RLF: variants seen among roughly 807,000 people sequenced by gnomAD.
The protein encoded by RLF is RLF zinc finger.
RLF carries 7 observed loss-of-function variants against 162.9 expected under a neutral mutation model. The observed-to-expected ratio is 0.04, with a 90% confidence interval of 0.02 to 0.08. RLF has a LOEUF of 0.08. Among genes scored for constraint, RLF ranks in the 10% least tolerant of loss-of-function variants. The pLI, the probability that RLF is intolerant of heterozygous loss-of-function variation, is 1.00. For synonymous variants in RLF, 782 were observed against 791.5 expected, an observed-to-expected ratio of 0.99 and a Z score of 0.20; for missense variants, 1,664 against 2,244.7, an observed-to-expected ratio of 0.74 and a Z score of 5.23.
chr1:40,168,619 A>G (rs954242238), intron 1 of RLF, among the ~76,000 whole-genome samples: 7 of 152,170 alleles, frequency 4.6e-5, no homozygotes, highest in East Asian at 1.9e-4. Flanking sequence ...TGTTCTTTGT[A>G]TCTTGATCAC....
At chr1:40,197,631 C>G (rs2124539755) in intron 4 of RLF, among the ~76,000 whole-genome samples, 1 of 152,272 alleles carries the variant, frequency 6.6e-6, no homozygotes, top group East Asian at 1.9e-4. Flanking sequence ...AGAAGCATTG[C>G]TTACCTAACA....
chr1:40,222,852 T>C, intron 6 of RLF, 142 bp downstream of exon 6: 1 of 653,306 alleles, frequency 1.5e-6, no homozygotes, highest in East Asian at 2.8e-5. Flanking sequence ...AATCATTTAA[T>C]TAAAAATATC....
At chr1:40,224,913 G>A (rs113078688) in intron 6 of RLF, among the ~76,000 whole-genome samples, 4,674 of 151,756 alleles carry the variant, frequency 0.031, 105 homozygotes, top group Non-Finnish European at 0.048. Flanking sequence ...CTTGAACCTG[G>A]GAGGCGGAGG....
chr1:40,169,158 T>C (rs1008915240), intron 1 of RLF, among the ~76,000 whole-genome samples: 6 of 152,218 alleles, frequency 3.9e-5, no homozygotes, highest in African/African-American at 1.4e-4. Context: ...GTGTGATTTT[T>C]CATTTTACAG....
intron 4 of RLF, among the ~76,000 whole-genome samples, chr1:40,201,497 G>A (rs924721567): frequency 3.3e-5 from 5 of 151,888 alleles, no homozygotes; most frequent in Non-Finnish European, 5.9e-5. Context: ...ATGGTGGCGG[G>A]CACCTGTAGT....
chr1:40,213,904 C>T (rs1055884061), intron 5 of RLF, among the ~76,000 whole-genome samples: 1 of 152,192 alleles, frequency 6.6e-6, no homozygotes, highest in Non-Finnish European at 1.5e-5. Context: ...AACTTAGGAA[C>T]GTAAGTATGC....
At position 40,173,885 on chromosome 1, in the gene RLF, A is replaced by G. The variant is rs528913270; in HGVS notation, c.237+12249A>G. ...AGCGGAACATGTCCAAAGAATTATAATTAGAGCTATAGCCTAACCTGAAGC... is the reference window on the plus strand; with the variant it reads ...AGCGGAACATGTCCAAAGAATTATAGTTAGAGCTATAGCCTAACCTGAAGC... On this transcript the variant is annotated intron_variant, in intron 1 of 7. Coordinates refer to ENST00000372771, the MANE Select transcript of RLF (RefSeq NM_012421.4). Among the ~76,000 whole-genome samples the G allele has an allele frequency of 3.3e-4, 51 of 152,304 alleles. 2 individuals are homozygous for G. Among genetic ancestry groups the G allele is most frequent in the African/African-American group, 1.2e-3 (51 of 41,576 alleles).
chr1:40,196,834 C>T (rs765539552), intron 4 of RLF, among the ~76,000 whole-genome samples: 3 of 152,178 alleles, frequency 2.0e-5, no homozygotes, highest in Admixed American at 6.5e-5. Context: ...AATTGTCAGT[C>T]GAAGACCAGA....
At chr1:40,205,638 C>T (rs1416833330) in intron 5 of RLF, among the ~76,000 whole-genome samples, 3 of 151,816 alleles carry the variant, frequency 2.0e-5, no homozygotes, top group South Asian at 2.1e-4. Flanking sequence ...TACAGGCGCC[C>T]GCCACCATGC....
At chr1:40,170,033 AAGAGAGACATTACGTATTGTGC>A (rs1401682607) in intron 1 of RLF, among the ~76,000 whole-genome samples, 1 of 152,194 alleles carries the variant, frequency 6.6e-6, no homozygotes, top group East Asian at 1.9e-4. Flanking sequence ...GTGAATTTCC[AAGAGAGACATTACGTATTGTGC>A]AGCATTTGCC....
rs1351626832 is a variant in RLF at position 40,236,262 on chromosome 1, T to C, written c.1560T>C (p.Asp520=). The C allele has an allele frequency of 2.9e-5, 46 of 1,613,812 alleles. No homozygotes were observed. The highest frequency in any genetic ancestry group is 3.9e-5 in the Non-Finnish European group (46 of 1,179,922). The change falls in exon 8 of 8, where the codon GAT becomes GAC. Residue 520 remains aspartate, a synonymous_variant. Transcript: ENST00000372771. The surrounding 1 kb of genome is among the most constrained non-coding windows in gnomAD (Gnocchi z 7.7). ...FLSDYDEGKE[D]KQYRRRDLTD... ...GTGACTATGATGAGGGTAAAGAAGA[T>C]AAACAATATAGAAGAAGAGATTTGA...
chr1:40,211,613 T>C (rs1447393445), intron 5 of RLF, among the ~76,000 whole-genome samples: 1 of 152,088 alleles, frequency 6.6e-6, no homozygotes, highest in Non-Finnish European at 1.5e-5. Flanking sequence ...AACTAGTCAG[T>C]CTTTTTTTTT....
chr1:40,232,626 T>C (rs1643166483), intron 7 of RLF, among the ~76,000 whole-genome samples: 1 of 152,236 alleles, frequency 6.6e-6, no homozygotes, highest in South Asian at 2.1e-4. Context: ...GAAGCTACAC[T>C]CAGTCTTTAC....
intron 1 of RLF, among the ~76,000 whole-genome samples, chr1:40,172,116 A>G (rs1642253472): frequency 6.6e-6 from 1 of 152,200 alleles, no homozygotes; most frequent in South Asian, 2.1e-4. Context: ...TAAATTCTAC[A>G]GGTAGCAACA....
At position 40,239,009 on chromosome 1, in the gene RLF, G is replaced by T; in HGVS notation, c.4307G>T (p.Gly1436Val). ...TTGATGGAACAGCATAATATTGAAG[G>T]GGAAATACATTCAGATTATGAAATT... ...HHLMEQHNIE[G>V]EIHSDYEIHC... The change falls in exon 8 of 8, where the codon GGG (glycine) becomes GTG (valine). Residue 1436 changes from glycine to valine, a missense_variant. Around this residue, in one of 15 missense-constraint regions of RLF, gnomAD observed 200 missense variants for 207.3 expected, o/e 0.96. Coordinates refer to ENST00000372771, the MANE Select transcript of RLF (RefSeq NM_012421.4). 3 of 1,614,094 alleles carry T rather than the reference G, an allele frequency of 1.9e-6. No homozygotes were observed. The highest frequency in any genetic ancestry group is 2.5e-6 in the Non-Finnish European group (3 of 1,180,004).
chr1:40,200,094 T>C (rs1462675352), intron 4 of RLF, among the ~76,000 whole-genome samples: 5 of 152,346 alleles, frequency 3.3e-5, no homozygotes, highest in Admixed American at 6.5e-5. Context: ...TCCATGCTTT[T>C]TGACCTTGAC....
At chr1:40,191,402 G>T (rs1381819794) in intron 3 of RLF, among the ~76,000 whole-genome samples, 1 of 152,144 alleles carries the variant, frequency 6.6e-6, no homozygotes, top group Non-Finnish European at 1.5e-5. Context: ...GCCGGGCATG[G>T]TGGCGGACAC....
At chr1:40,204,588 A>T (rs946678341) in intron 5 of RLF, among the ~76,000 whole-genome samples, 1 of 151,224 alleles carries the variant, frequency 6.6e-6, no homozygotes, top group Non-Finnish European at 1.5e-5. Flanking sequence ...TTTTTTATTT[A>T]TTTTTTATTT....
In RLF at chr1:40,161,516, C is replaced by T. The variant is rs1391399404; in HGVS notation, c.117C>T (p.Pro39=). 4 of 1,605,082 alleles carry T rather than the reference C, an allele frequency of 2.5e-6. No homozygotes were observed. The highest frequency in any genetic ancestry group is 1.1e-5 in the South Asian group (1 of 90,002). ...ETESMVRGHR[P]VSPAPGASGL... ...AGTCCATGGTTCGGGGTCATCGCCCCGTATCTCCAGCGCCGGGAGCCTCGG... is the reference window on the plus strand; with the variant it reads ...AGTCCATGGTTCGGGGTCATCGCCCTGTATCTCCAGCGCCGGGAGCCTCGG... The change falls in exon 1 of 8, where the codon CCC becomes CCT. Residue 39 remains proline, a synonymous_variant. Coordinates refer to ENST00000372771, the MANE Select transcript of RLF (RefSeq NM_012421.4). The surrounding 1 kb of genome is among the most constrained non-coding windows in gnomAD (Gnocchi z 4.4).
Sources: gnomAD v4.1 joint callset for allele counts (sites outside exome capture counted in the v4.1 genomes callset) on GRCh38, gnomAD v4.1.1 for gene constraint, gnomAD v4.1.1 regional missense constraint, Gnocchi (gnomAD v3.1) non-coding constraint, MANE v1.5 for transcripts, NCBI Gene and HGNC (gene_info 2026-07-23, HGNC 2026-07-21) for gene names.